BCL7C: variants seen among roughly 807,000 people sequenced by gnomAD.
The protein encoded by BCL7C is BAF chromatin remodeling complex subunit BCL7C.
Under a neutral mutation model 26.2 loss-of-function variants are expected in BCL7C, and 8 were observed. That is an observed-to-expected ratio of 0.30 (90% CI 0.18 to 0.55). BCL7C has a LOEUF of 0.55. BCL7C is among the 20% of genes least tolerant of loss of function. The probability of loss-of-function intolerance (pLI) is 0.93; values close to 1 mark genes in which losing one functional copy is unlikely to be tolerated. For missense variants in BCL7C, 262 were observed against 298.5 expected, an observed-to-expected ratio of 0.88 and a Z score of 0.90; for synonymous variants, 90 against 116.5, an observed-to-expected ratio of 0.77 and a Z score of 1.47.
intron 5 of BCL7C, among the ~76,000 whole-genome samples, chr16:30,888,400 G>A (rs911850992): frequency 3.9e-5 from 6 of 152,098 alleles, no homozygotes; most frequent in East Asian, 1.9e-4. Context: ...ACAGTGGCGC[G>A]ATCCTGGCTC....
At chr16:30,850,005 C>T (rs920934492) in intron 5 of BCL7C, among the ~76,000 whole-genome samples, 6 of 151,864 alleles carry the variant, frequency 4.0e-5, no homozygotes, top group Admixed American at 1.3e-4. Context: ...GTCAGGAGAT[C>T]AAGACCATCC....
Position 30,860,941 on chromosome 16 carries a change from C to T in BCL7C, c.529-25793G>A, listed in dbSNP as rs1044322066. On this transcript the variant is annotated intron_variant, in intron 5 of 5. Coordinates refer to the BCL7C transcript ENST00000380317. ...TATAATCCTTCTATCACCTCCCCTC[C>T]TCACACCCGGTCCGGCTTACAGTTT... 4.6e-5 allele frequency among the ~76,000 whole-genome samples: 7 copies of T among 152,102 alleles called. No individual in the cohort carries two copies. In the East Asian group the frequency reaches 5.8e-4, roughly 13 times the overall value.
chr16:30,849,624 T>C (rs1311761795), intron 5 of BCL7C, among the ~76,000 whole-genome samples: 3 of 152,164 alleles, frequency 2.0e-5, no homozygotes, highest in African/African-American at 7.2e-5. Flanking sequence ...CTAATTTTTA[T>C]ATTTTTAGTA....
At chr16:30,890,556 A>G (rs2143165209) in intron 4 of BCL7C, among the ~76,000 whole-genome samples, 1 of 151,220 alleles carries the variant, frequency 6.6e-6, no homozygotes, top group South Asian at 2.1e-4. Flanking sequence ...AGAAAAAAAC[A>G]CGTAAAGTGT....
At chr16:30,847,817 CA>C (rs955710267) in intron 5 of BCL7C, among the ~76,000 whole-genome samples, 1 of 151,216 alleles carries the variant, frequency 6.6e-6, no homozygotes, top group Non-Finnish European at 1.5e-5. Flanking sequence ...AAAACAAAAA[CA>C]AAAAAAATCT....
intron 4 of BCL7C, among the ~76,000 whole-genome samples, chr16:30,891,168 C>CAAAA (rs147478982): frequency 1.2e-5 from 1 of 84,668 alleles, no homozygotes; most frequent in Admixed American, 1.4e-4. Flanking sequence ...GACTTCATCT[C>CAAAA]AAAAAAAAAA....
At chr16:30,885,967 T>C (rs2055127846), downstream of BCL7C, among the ~76,000 whole-genome samples, 1 of 152,286 alleles carries the variant, frequency 6.6e-6, no homozygotes, top group South Asian at 2.1e-4. Context: ...TCTTCCCACC[T>C]CAGCCTCCCA....
chr16:30,868,384 A>G (rs2054848744), intron 5 of BCL7C, among the ~76,000 whole-genome samples: 1 of 143,712 alleles, frequency 7.0e-6, no homozygotes. Context: ...TGATCCGCCC[A>G]CCTCGGCCTC....
At chr16:30,859,051 G>A (rs1484445418) in intron 5 of BCL7C, among the ~76,000 whole-genome samples, 1 of 152,174 alleles carries the variant, frequency 6.6e-6, no homozygotes, top group Admixed American at 6.5e-5. Flanking sequence ...AAACCAACCA[G>A]TGTAATTGCC....
chr16:30,879,833 C>CA (rs1409881354), intron 5 of BCL7C, among the ~76,000 whole-genome samples: 1 of 150,730 alleles, frequency 6.6e-6, no homozygotes, highest in South Asian at 2.1e-4. Context: ...ACTAAAAATA[C>CA]AAAAAAATTA....
At chr16:30,856,942 T>C (rs932917952) in intron 5 of BCL7C, among the ~76,000 whole-genome samples, 9 of 152,338 alleles carry the variant, frequency 5.9e-5, no homozygotes, top group South Asian at 2.1e-4. Flanking sequence ...TTTTAAGTTT[T>C]TTTGTCAGCC....
chr16:30,851,292 G>A, intron 5 of BCL7C: 1 of 228,900 alleles, frequency 4.4e-6, no homozygotes, highest in Non-Finnish European at 8.7e-6. Flanking sequence ...CCAGGCTGGA[G>A]TGCAGTGGCA....
rs145702448 is a variant in BCL7C at position 30,890,577 on chromosome 16, C to T, written c.443-1632G>A. ...AAACACGTAAAGTGTTGGCTGGGCA[C>T]GGTGGCTCACACCTGTAATCCTAGC... On this transcript the variant is annotated intron_variant, in intron 4 of 5. Transcript: ENST00000215115. Among the ~76,000 whole-genome samples, 1,272 of 152,194 alleles carry T rather than the reference C, an allele frequency of 8.4e-3. 12 individuals carry two copies. Among genetic ancestry groups the T allele is most frequent in the Non-Finnish European group, 0.013 (899 of 68,012 alleles).
At chr16:30,891,279 A>G (rs1036894379) in intron 4 of BCL7C, among the ~76,000 whole-genome samples, 1 of 151,902 alleles carries the variant, frequency 6.6e-6, no homozygotes, top group African/African-American at 2.4e-5. Context: ...CCTGGCCAAC[A>G]TGGCGAAACC....
intron 5 of BCL7C, among the ~76,000 whole-genome samples, chr16:30,864,919 A>G (rs1041123215): frequency 7.3e-6 from 1 of 137,356 alleles, no homozygotes; most frequent in African/African-American, 2.7e-5. Flanking sequence ...CTGTAATCCC[A>G]GCACTTTGGG....
intron 5 of BCL7C, among the ~76,000 whole-genome samples, chr16:30,841,913 C>A (rs1356218823): frequency 6.9e-6 from 1 of 145,962 alleles, no homozygotes. Flanking sequence ...CGAGATCATG[C>A]CACTGCACTC....
intron 5 of BCL7C, among the ~76,000 whole-genome samples, chr16:30,872,539 G>T (rs1489888686): frequency 1.3e-5 from 2 of 152,188 alleles, no homozygotes; most frequent in Non-Finnish European, 2.9e-5. Flanking sequence ...TTGAGAGAGG[G>T]TGAAAGCCCC....
intron 5 of BCL7C, among the ~76,000 whole-genome samples, chr16:30,843,843 C>G (rs2054617250): frequency 6.6e-6 from 1 of 151,526 alleles, no homozygotes; most frequent in African/African-American, 2.4e-5. Context: ...AGTTGGAGAC[C>G]AGCCTGGCCA....
intron 5 of BCL7C, among the ~76,000 whole-genome samples, chr16:30,869,132 G>C (rs2054859471): frequency 6.6e-6 from 1 of 152,050 alleles, no homozygotes; most frequent in Non-Finnish European, 1.5e-5. Flanking sequence ...TTGAAGACTG[G>C]GGCCAGAGTC....
Sources: gnomAD v4.1 joint callset for allele counts (sites outside exome capture counted in the v4.1 genomes callset) on GRCh38, gnomAD v4.1.1 for gene constraint, MANE v1.5 for transcripts, NCBI Gene and HGNC (gene_info 2026-07-23, HGNC 2026-07-21) for gene names.